CD8B: variants seen among roughly 807,000 people sequenced by gnomAD.
CD8B encodes CD8 subunit beta, also known as T-cell surface glycoprotein CD8 beta chain.
Under a neutral mutation model 24.2 loss-of-function variants are expected in CD8B, and 6 were observed. The ratio of observed to expected loss-of-function variants is 0.25; its 90% CI spans 0.14 to 0.49. CD8B has a LOEUF of 0.49. CD8B is among the 20% of genes least tolerant of loss of function. The probability of loss-of-function intolerance (pLI) is 0.98; values close to 1 mark genes in which losing one functional copy is unlikely to be tolerated. For missense variants in CD8B, 196 were observed against 271.3 expected (o/e 0.72, Z 1.95); for synonymous variants, 84 against 108.3 (o/e 0.78, Z 1.39).
intron 3 of CD8B, among the ~76,000 whole-genome samples, chr2:86,850,879 T>A (rs2104563734): frequency 6.6e-6 from 1 of 152,192 alleles, no homozygotes; most frequent in Admixed American, 6.5e-5. Flanking sequence ...TCACCTGAAG[T>A]CAGGAGCTCA....
In CD8B at chr2:86,846,768, G is replaced by C. The variant is rs1182440187; in HGVS notation, c.499C>G (p.Leu167Val). Residue 167 changes from leucine (L) to valine (V), a missense_variant, in exon 4 of 6, where the codon CTT (leucine) becomes GTT (valine). Physicochemically the swap from Leu to Val is conservative, Grantham distance 32. Coordinates refer to ENST00000390655, the MANE Select transcript of CD8B (RefSeq NM_004931.5). ...AGGCCAAGGGTGATGGGGCTACAAA[G>C]TGGGCCTGGAAAACACACATGTGAC... Reference protein sequence around the residue: ...LPRPETQKGPLCSPITLGLLV... With the variant: ...LPRPETQKGPVCSPITLGLLV... The C allele has an allele frequency of 6.4e-7, 1 of 1,574,524 alleles. No homozygotes were observed. The highest frequency in any genetic ancestry group is 8.6e-7 in the Non-Finnish European group (1 of 1,158,646).
At chr2:86,826,409 T>C (rs888773598) in intron 5 of CD8B, among the ~76,000 whole-genome samples, 1 of 152,068 alleles carries the variant, frequency 6.6e-6, no homozygotes, top group South Asian at 2.1e-4. Flanking sequence ...TGCAGGTCGG[T>C]AAGTGAGAAG....
At chr2:86,859,741 T>C (rs60210925) in intron 1 of CD8B, among the ~76,000 whole-genome samples, 72,612 of 144,902 alleles carry the variant, frequency 0.5, 18,777 homozygotes, top group African/African-American at 0.61. Context: ...AGGGCAGAGA[T>C]GCAGGAGTTG....
Position 86,830,393 on chromosome 2 carries a change from C to G in CD8B, c.620+14529G>C, listed in dbSNP as rs551822195. ...ACCAGCCTAGCCAACGTGGCGAAAC[C>G]CTATCTCTACTAAAAATACAAAATT... On this transcript the variant is annotated intron_variant, in intron 5 of 5. Coordinates refer to the CD8B transcript ENST00000331469. 2.7e-3 allele frequency among the ~76,000 whole-genome samples: 409 copies of G among 152,128 alleles called. 1 individual carries two copies. Among genetic ancestry groups the G allele is most frequent in the Non-Finnish European group, 4.7e-3 (321 of 68,000 alleles).
chr2:86,821,869 C>T (rs1674491050), intron 5 of CD8B: 1 of 266,658 alleles, frequency 3.8e-6, no homozygotes, highest in Non-Finnish European at 8.0e-6. Flanking sequence ...TTCCTTCGCT[C>T]CAGCTCGTTC....
chr2:86,844,506 T>C (rs2104546577), intron 5 of CD8B: 1 of 575,212 alleles, frequency 1.7e-6, no homozygotes, highest in Non-Finnish European at 2.7e-6. Flanking sequence ...TGCGGTATTC[T>C]GTGCATGCAA....
At chr2:86,846,927 A>ATTTTTTTTT (rs60980294) in intron 3 of CD8B, among the ~76,000 whole-genome samples, 154 bp from the exon 4 acceptor site, 2 of 58,858 alleles carry the variant, frequency 3.4e-5, no homozygotes, top group African/African-American at 7.6e-5. Context: ...TTCCTCAAGT[A>ATTTTTTTTT]TTTTTTTTTT....
intron 5 of CD8B, among the ~76,000 whole-genome samples, chr2:86,824,250 A>G (rs1674591729): frequency 1.3e-5 from 2 of 152,050 alleles, no homozygotes; most frequent in African/African-American, 4.8e-5. Flanking sequence ...AGGTACTGTG[A>G]GGTGCTTCAT....
Position 86,857,908 on chromosome 2 carries a change from G to A in CD8B, c.403+149C>T. 3.5e-6 allele frequency: 3 copies of A among 855,016 alleles called. No individual in the cohort carries two copies. The South Asian group carries it at 4.9e-5, about 14-fold the overall frequency. 53.0% of individuals were successfully genotyped at this position (855,016 alleles called of 1,614,324 possible). On this transcript the variant is annotated intron_variant, in intron 2 of 5. Coordinates refer to ENST00000390655, the MANE Select transcript of CD8B (RefSeq NM_004931.5). ...ACTTGGAGGGGCTTGGCCTGGGTAA[G>A]TCTCCACATGTTCTTTCTGTTACTA...
downstream of CD8B, chr2:86,815,496 G>A: frequency 2.7e-6 from 2 of 744,762 alleles, no homozygotes. Context: ...GACTTGGGGG[G>A]TTGATGGTGG....
At chr2:86,821,712 A>G (rs1453925163) in intron 5 of CD8B, 2 of 437,546 alleles carry the variant, frequency 4.6e-6, no homozygotes, top group Middle Eastern at 3.3e-4. Context: ...CCCTAGGTGA[A>G]CGCCTTCGGA....
At chr2:86,835,907 A>G (rs1675158672), downstream of CD8B, among the ~76,000 whole-genome samples, 1 of 151,916 alleles carries the variant, frequency 6.6e-6, no homozygotes, top group Admixed American at 6.6e-5. Context: ...GGAGCCACGC[A>G]AGTGCCAGCC....
At chr2:86,827,280 C>T (rs953808743) in intron 5 of CD8B, among the ~76,000 whole-genome samples, 2 of 151,476 alleles carry the variant, frequency 1.3e-5, no homozygotes, top group Non-Finnish European at 2.9e-5. Context: ...TAGAGTTAAA[C>T]ATGAATTGGC....
exon 6 of CD8B, chr2:86,815,582 A>T: frequency 7.6e-7 from 1 of 1,314,762 alleles, no homozygotes; most frequent in Non-Finnish European, 1.1e-6. Flanking sequence ...GTAAAGATCC[A>T]CTCATCAGGA....
At chr2:86,854,691 C>T (rs1484225873) in intron 2 of CD8B, among the ~76,000 whole-genome samples, 1 of 152,046 alleles carries the variant, frequency 6.6e-6, no homozygotes, top group East Asian at 1.9e-4. Flanking sequence ...CCACAGAGTC[C>T]AACCCTTGCC....
In CD8B at chr2:86,843,824, G is replaced by T. The variant is rs182278625; in HGVS notation, c.620+1098C>A. Among the ~76,000 whole-genome samples, 154 of 152,288 alleles carry T rather than the reference G, an allele frequency of 1.0e-3. 2 individuals carry two copies. In the East Asian group the frequency reaches 0.022, roughly 22 times the overall value. On this transcript the variant is annotated intron_variant, in intron 5 of 5. Transcript: ENST00000390655. The stretch of plus-strand genomic sequence containing the variant: ...CTCATTTAACAGACGAGAAATCCGA[G>T]ACTTGGAGACGTGAAGTGACTTGCT...
At position 86,841,587 on chromosome 2, in the gene CD8B, T is replaced by C; in HGVS notation, c.*720A>G. ...CGTTTATGTCACAGGAGCCGTTTGTTATCTTTAACCTGGGACTTTATTTGT... is the reference window on the plus strand; with the variant it reads ...CGTTTATGTCACAGGAGCCGTTTGTCATCTTTAACCTGGGACTTTATTTGT... On this transcript the variant is annotated 3_prime_UTR_variant, in exon 6 of 6. Transcript: ENST00000390655. 1.0e-6 allele frequency: 1 copy of C among 985,358 alleles called. No individual in the cohort carries two copies. The highest frequency in any genetic ancestry group is 1.1e-4 in the East Asian group (1 of 8,810). 61.0% of individuals were successfully genotyped at this position (985,358 alleles called of 1,614,324 possible). A position where few individuals can be genotyped will look rare whatever the true frequency, so the allele number is the denominator to read the frequency against.
chr2:86,832,570 G>A (rs372574649), intron 5 of CD8B, among the ~76,000 whole-genome samples: 6 of 151,664 alleles, frequency 4.0e-5, no homozygotes, highest in East Asian at 1.9e-4. Flanking sequence ...TAACCTGCTC[G>A]AGTGGGGAAT....
chr2:86,848,698 T>A (rs1675809804), intron 3 of CD8B, among the ~76,000 whole-genome samples: 3 of 69,174 alleles, frequency 4.3e-5, no homozygotes, highest in Admixed American at 3.0e-4. Context: ...TTGGTATTTT[T>A]AAATTATTTA....
Sources: gnomAD v4.1 joint callset for allele counts (sites outside exome capture counted in the v4.1 genomes callset) on GRCh38, gnomAD v4.1.1 for gene constraint, MANE v1.5 for transcripts, NCBI Gene and HGNC (gene_info 2026-07-23, HGNC 2026-07-21) for gene names.